Variants in RHEB observed in about 807,000 individuals in gnomAD.
RHEB encodes GTP-binding protein Rheb.
In RHEB, 2 loss-of-function variants were observed where a neutral mutation model predicts 28.8. That is an observed-to-expected ratio of 0.07 (90% CI 0.03 to 0.22). The LOEUF (loss-of-function observed/expected upper bound fraction) is 0.22. Among genes scored for constraint, RHEB ranks in the 10% least tolerant of loss-of-function variants. RHEB has a pLI of 1.00. For synonymous variants in RHEB, 69 were observed against 77.3 expected (o/e 0.89, Z 0.56); for missense variants, 76 against 219.9 (o/e 0.35, Z 4.14).
At chr7:151,511,592 A>G (rs1802989610) in intron 1 of RHEB, among the ~76,000 whole-genome samples, 1 of 151,998 alleles carries the variant, frequency 6.6e-6, no homozygotes, top group Non-Finnish European at 1.5e-5. Context: ...TTTAATAACC[A>G]GAAGCCCAAC....
chr7:151,498,117 C>A (rs1802705435), intron 1 of RHEB: 1 of 1,289,636 alleles, frequency 7.8e-7, no homozygotes, highest in Non-Finnish European at 1.0e-6. Flanking sequence ...TGGGGATGCA[C>A]CTGTGCGCCC....
At chr7:151,519,351 C>T (rs1372430818) in intron 1 of RHEB, 109 bp downstream of exon 1, 1 of 761,708 alleles carries the variant, frequency 1.3e-6, no homozygotes, top group Admixed American at 4.7e-5. Flanking sequence ...CCCCCGCCCG[C>T]CCCGCCACAT....
At chr7:151,512,472 C>G (rs1483874716) in intron 1 of RHEB, among the ~76,000 whole-genome samples, 2 of 152,038 alleles carry the variant, frequency 1.3e-5, no homozygotes, top group African/African-American at 2.4e-5. Context: ...GCCTCGCCAT[C>G]ACCAGGTCCA....
At chr7:151,485,696 C>T (rs1802459703) in intron 2 of RHEB, among the ~76,000 whole-genome samples, 1 of 152,056 alleles carries the variant, frequency 6.6e-6, no homozygotes, top group Non-Finnish European at 1.5e-5. Flanking sequence ...CTGACACAGA[C>T]AAATGGAAAT....
chr7:151,483,673 T>G (rs1019543788), intron 3 of RHEB, among the ~76,000 whole-genome samples: 1 of 152,164 alleles, frequency 6.6e-6, no homozygotes, highest in Non-Finnish European at 1.5e-5. Context: ...ATAGCACCAC[T>G]GCCTTCCAGC....
chr7:151,469,286 C>A (rs1302220909), intron 7 of RHEB, among the ~76,000 whole-genome samples: 1 of 152,160 alleles, frequency 6.6e-6, no homozygotes, highest in Non-Finnish European at 1.5e-5. Context: ...GACGGATAAC[C>A]CACTGTGCTA....
intron 1 of RHEB, among the ~76,000 whole-genome samples, chr7:151,517,082 G>A (rs1213892789): frequency 2.0e-5 from 3 of 152,072 alleles, no homozygotes; most frequent in African/African-American, 7.2e-5. Flanking sequence ...AATCAAATGC[G>A]GCTGGGCATG....
intron 4 of RHEB, among the ~76,000 whole-genome samples, chr7:151,476,611 T>G (rs1370181675): frequency 6.6e-6 from 1 of 152,262 alleles, no homozygotes; most frequent in Non-Finnish European, 1.5e-5. Flanking sequence ...ATGTATCATA[T>G]GTAGGCAAAG....
intron 4 of RHEB, 31 bp downstream of exon 4, chr7:151,477,302 A>C: frequency 7.8e-7 from 1 of 1,279,162 alleles, no homozygotes; most frequent in Non-Finnish European, 1.1e-6. Flanking sequence ...ATGAGTAGCA[A>C]ATCAACTCAA....
At chr7:151,483,945 C>A (rs1397667293) in intron 3 of RHEB, among the ~76,000 whole-genome samples, 1 of 152,188 alleles carries the variant, frequency 6.6e-6, no homozygotes, top group Non-Finnish European at 1.5e-5. Flanking sequence ...CACATCCCTG[C>A]TACATTAACC....
intron 1 of RHEB, among the ~76,000 whole-genome samples, chr7:151,515,279 T>C (rs1296429088): frequency 2.0e-5 from 3 of 152,164 alleles, no homozygotes; most frequent in Non-Finnish European, 2.9e-5. Flanking sequence ...TTATATGAAA[T>C]GTCCAGAGTA....
At chr7:151,516,443 T>C (rs1216679895) in intron 1 of RHEB, among the ~76,000 whole-genome samples, 1 of 151,770 alleles carries the variant, frequency 6.6e-6, no homozygotes, top group Admixed American at 6.6e-5. Context: ...GCCAAGATGG[T>C]GAAACCCAGT....
At chr7:151,490,144 G>A (rs1367850573) in intron 2 of RHEB, among the ~76,000 whole-genome samples, 1 of 152,130 alleles carries the variant, frequency 6.6e-6, no homozygotes. Context: ...CTAGAATCAA[G>A]ATCTGTCTCA....
intron 1 of RHEB, among the ~76,000 whole-genome samples, chr7:151,514,247 G>GT (rs1803038218): frequency 6.6e-6 from 1 of 152,164 alleles, no homozygotes. Context: ...CAGATCTAAT[G>GT]TAAGAGTTAA....
At chr7:151,512,122 G>C (rs1803002878) in intron 1 of RHEB, among the ~76,000 whole-genome samples, 1 of 152,214 alleles carries the variant, frequency 6.6e-6, no homozygotes, top group Non-Finnish European at 1.5e-5. Flanking sequence ...GTTCCTTCAA[G>C]TATGATCCCT....
intron 1 of RHEB, among the ~76,000 whole-genome samples, chr7:151,494,454 G>A (rs1203742652): frequency 6.6e-6 from 1 of 152,228 alleles, no homozygotes; most frequent in Non-Finnish European, 1.5e-5. Context: ...CAAAAACGGA[G>A]TGAGAGAAGA....
intron 1 of RHEB, among the ~76,000 whole-genome samples, chr7:151,511,587 T>A (rs1196690035): frequency 6.6e-6 from 1 of 151,972 alleles, no homozygotes; most frequent in Non-Finnish European, 1.5e-5. Flanking sequence ...TTTTTTTTAA[T>A]AACCAGAAGC....
At position 151,519,500 on chromosome 7, in the gene RHEB, G is replaced by T. The variant is rs4275138; in HGVS notation, c.12C>A (p.Ser4=). 6.4e-7 allele frequency: 1 copy of T among 1,555,174 alleles called. No homozygotes were observed. The highest frequency in any genetic ancestry group is 8.7e-7 in the Non-Finnish European group (1 of 1,152,250). MPQ[S]KSRKIAILGY... Reference sequence around the variant, plus strand: ...CCAGGATCGCGATCTTCCGGGACTTGGACTGCGGCATCTTGGCGGCCTCCT... The same window carrying T: ...CCAGGATCGCGATCTTCCGGGACTTTGACTGCGGCATCTTGGCGGCCTCCT... Residue 4 remains serine, a synonymous_variant, in exon 1 of 8, where the codon TCC becomes TCA. Transcript: ENST00000262187.
Position 151,519,845 on chromosome 7 carries a change from C to T in RHEB, c.-334G>A, listed in dbSNP as rs1803154203. 4.5e-6 allele frequency: 1 copy of T among 224,008 alleles called. No individual in the cohort carries two copies. Among genetic ancestry groups the T allele is most frequent in the Non-Finnish European group, 8.7e-6 (1 of 114,324 alleles). The allele number at this position is 224,008 out of a possible 1,614,324, so 13.9% of individuals were successfully genotyped here. A position where few individuals can be genotyped will look rare whatever the true frequency, so the allele number is the denominator to read the frequency against. On this transcript the variant is annotated 5_prime_UTR_variant, in exon 1 of 8. Coordinates refer to ENST00000262187, the MANE Select transcript of RHEB (RefSeq NM_005614.4). ...TTAAAGGCAAAAAAAGGGGACGCCG[C>T]GATGCCCCCAGAAAAGTCACGACTG... is the stretch of plus-strand genomic sequence containing the variant.
Sources: allele counts gnomAD v4.1 joint callset (sites outside exome capture counted in the v4.1 genomes callset), GRCh38; gene constraint gnomAD v4.1.1; transcripts MANE v1.5; gene names NCBI Gene and HGNC (gene_info 2026-07-23, HGNC 2026-07-21).